FLRT1: variants seen among roughly 807,000 people sequenced by gnomAD.
The protein encoded by FLRT1 is fibronectin leucine rich transmembrane protein 1, also known as leucine-rich repeat transmembrane protein FLRT1.
Under a neutral mutation model 30.9 loss-of-function variants are expected in FLRT1, and 14 were observed. That is an observed-to-expected ratio of 0.45 (90% CI 0.30 to 0.71). The LOEUF is 0.71. FLRT1 is among the 30% of genes least tolerant of loss of function. FLRT1 has a pLI of 0.08. For synonymous variants in FLRT1, 368 were observed against 430.4 expected (o/e 0.85, Z 1.80); for missense variants, 737 against 949.2 (o/e 0.78, Z 2.94).
Position 64,096,810 on chromosome 11 carries a change from G to A in FLRT1, c.-1037-6384G>A, listed in dbSNP as rs531708933. Among the ~76,000 whole-genome samples the A allele has an allele frequency of 6.6e-5, 10 of 152,200 alleles. No individual in the cohort carries two copies. Among genetic ancestry groups the A allele is most frequent in the Non-Finnish European group, 1.3e-4 (9 of 68,032 alleles). ...GGGGAAGAGGGCAGGCCTGTGGGGG[G>A]CTGCCGTGTCCCCATACCCTCCAAG... On this transcript the variant is annotated intron_variant, in intron 1 of 2. Transcript: ENST00000682287. This position sits in a 1 kb window ranked among gnomAD's most constrained non-coding sequence, Gnocchi z 4.6.
At chr11:64,086,751 G>A (rs1467232652) in intron 1 of FLRT1, among the ~76,000 whole-genome samples, 1 of 152,180 alleles carries the variant, frequency 6.6e-6, no homozygotes, top group Non-Finnish European at 1.5e-5. Context: ...CAGAGATGTA[G>A]ACACACCCAG....
At chr11:64,091,854 A>G (rs1456501232) in intron 1 of FLRT1, among the ~76,000 whole-genome samples, 1 of 152,168 alleles carries the variant, frequency 6.6e-6, no homozygotes, top group African/African-American at 2.4e-5. Context: ...AGCCAAAGGC[A>G]GGAGCACCAG....
intron 2 of FLRT1, among the ~76,000 whole-genome samples, chr11:64,106,085 G>A (rs1944758188): frequency 6.6e-6 from 1 of 152,172 alleles, no homozygotes; most frequent in Non-Finnish European, 1.5e-5. Context: ...CAGTGGGGGT[G>A]AGGAGGGATG....
intron 1 of FLRT1, among the ~76,000 whole-genome samples, chr11:64,037,268 G>C (rs1943400142): frequency 6.6e-6 from 1 of 152,190 alleles, no homozygotes; most frequent in Non-Finnish European, 1.5e-5. Flanking sequence ...GAGGCTGTCT[G>C]TGGGGGGGAC....
chr11:64,069,728 C>G (rs1024406288), intron 1 of FLRT1, among the ~76,000 whole-genome samples: 2 of 152,168 alleles, frequency 1.3e-5, no homozygotes, highest in South Asian at 4.1e-4. Flanking sequence ...ACCCCCGGGC[C>G]CGGCCCCGGC....
rs1945027409 is a variant in FLRT1, at chr11:64,118,095, T to C, written c.1828T>C (p.Ser610Pro). 6.2e-7 allele frequency: 1 copy of C among 1,611,628 alleles called. No individual in the cohort carries two copies. Among genetic ancestry groups the C allele is most frequent in the Non-Finnish European group, 8.5e-7 (1 of 1,178,276 alleles). The change falls in exon 3 of 3, where the codon TCC (serine) becomes CCC (proline). Residue 610 changes from serine to proline, a missense_variant. Physicochemically the swap from Ser to Pro is moderately conservative, Grantham distance 74. Transcript: ENST00000682287. ...GGAGTCAGGGACCAAGAAGGATAACTCCATCCTGGAAATCCGCGGCCCTGG... is the reference window on the plus strand; with the variant it reads ...GGAGTCAGGGACCAAGAAGGATAACCCCATCCTGGAAATCCGCGGCCCTGG... ...YMESGTKKDN[S>P]ILEIRGPGLQ...
At chr11:64,101,672 G>A (rs1462585374) in intron 1 of FLRT1, among the ~76,000 whole-genome samples, 1 of 152,164 alleles carries the variant, frequency 6.6e-6, no homozygotes, top group African/African-American at 2.4e-5. Context: ...ATAGCAATAA[G>A]GGCTCGTGCT....
intron 1 of FLRT1, among the ~76,000 whole-genome samples, chr11:64,045,172 C>T (rs1335736413): frequency 6.6e-6 from 1 of 151,256 alleles, no homozygotes; most frequent in African/African-American, 2.4e-5. Flanking sequence ...CCTGTGACGT[C>T]AGCAGGTGGC....
Position 64,116,920 on chromosome 11 carries a change from T to C in FLRT1, c.653T>C (p.Phe218Ser). The change falls in exon 3 of 3, where the codon TTC becomes TCC. Residue 218 changes from phenylalanine to serine, a missense_variant. Phe to Ser is a radical substitution (Grantham distance 155). Coordinates refer to ENST00000682287, the MANE Select transcript of FLRT1 (RefSeq NM_013280.5). ...NRISTIPLHAFKGLNSLRRLV... is the reference protein window; with the variant it reads ...NRISTIPLHASKGLNSLRRLV... ...ATCTCCACCATCCCGCTGCATGCCT[T>C]CAAGGGCCTCAACAGCCTGCGGCGC... is the stretch of plus-strand genomic sequence containing the variant. The C allele has an allele frequency of 1.2e-6, 2 of 1,611,436 alleles. No individual in the cohort carries two copies. The highest frequency in any genetic ancestry group is 2.2e-5 in the South Asian group (2 of 91,084).
chr11:64,085,692 A>G (rs1944382170), intron 1 of FLRT1, among the ~76,000 whole-genome samples: 1 of 152,278 alleles, frequency 6.6e-6, no homozygotes, highest in Middle Eastern at 3.4e-3. Flanking sequence ...ACCCACAGAC[A>G]GGCCCAGGGG....
At position 64,090,971 on chromosome 11, in the gene FLRT1, C is replaced by T. The variant is rs1312241686; in HGVS notation, c.-1037-12223C>T. Among the ~76,000 whole-genome samples the T allele has an allele frequency of 1.3e-5, 2 of 151,644 alleles. No homozygotes were observed. The highest frequency in any genetic ancestry group is 4.9e-5 in the African/African-American group (2 of 41,222). On this transcript the variant is annotated intron_variant, in intron 1 of 2. Coordinates refer to ENST00000682287, the MANE Select transcript of FLRT1 (RefSeq NM_013280.5). The surrounding 1 kb of genome is among the most constrained non-coding windows in gnomAD (Gnocchi z 4.7). ...CAGAATCTGCAGCACTGACCTCTGACCTCTGGGTCAGTTGGTTACTGACTG... is the reference window on the plus strand; with the variant it reads ...CAGAATCTGCAGCACTGACCTCTGATCTCTGGGTCAGTTGGTTACTGACTG...
rs1478450505 is a variant in FLRT1, at chr11:64,118,648, G to A, written c.*356G>A. On this transcript the variant is annotated 3_prime_UTR_variant, in exon 3 of 3. Transcript: ENST00000682287. ...GGATACTACCTGTACAACATCTGTG[G>A]ACACCTCATGCTCTGTTCAAGGCCA... 6 of 212,234 alleles carry A rather than the reference G, an allele frequency of 2.8e-5. No individual in the cohort carries two copies. In the South Asian group the frequency reaches 4.0e-4, roughly 14 times the overall value. The allele number at this position is 212,234 out of a possible 1,614,324, so 13.1% of individuals were successfully genotyped here. A position where few individuals can be genotyped will look rare whatever the true frequency, so the allele number is the denominator to read the frequency against.
chr11:64,045,615 C>G (rs913978719), intron 1 of FLRT1, among the ~76,000 whole-genome samples: 11 of 152,164 alleles, frequency 7.2e-5, no homozygotes, highest in African/African-American at 2.7e-4. Context: ...GGGGTAGCCA[C>G]CTTGCTGCGT....
At chr11:64,049,838 G>T (rs935005148) in intron 1 of FLRT1, among the ~76,000 whole-genome samples, 4 of 152,154 alleles carry the variant, frequency 2.6e-5, no homozygotes, top group African/African-American at 9.7e-5. Context: ...TAGGGCTGGG[G>T]CCTGGCTGAG....
intron 1 of FLRT1, among the ~76,000 whole-genome samples, chr11:64,037,185 C>A (rs1396176491): frequency 6.6e-6 from 1 of 152,196 alleles, no homozygotes; most frequent in Non-Finnish European, 1.5e-5. Context: ...TCACCGCGGC[C>A]CCTACGCCCT....
intron 1 of FLRT1, among the ~76,000 whole-genome samples, chr11:64,042,288 C>A (rs1347549221): frequency 6.6e-6 from 1 of 152,142 alleles, no homozygotes; most frequent in East Asian, 1.9e-4. Flanking sequence ...TCACCCCCAC[C>A]TCTGGAAGCT....
chr11:64,099,238 G>T (rs1375413343), intron 1 of FLRT1, among the ~76,000 whole-genome samples: 9 of 152,244 alleles, frequency 5.9e-5, no homozygotes, highest in Admixed American at 5.9e-4. Flanking sequence ...CTCCCCGAAG[G>T]CTGGGCAAGG....
Position 64,096,440 on chromosome 11 carries a change from T to G in FLRT1, c.-1037-6754T>G. Among the ~76,000 whole-genome samples the G allele has an allele frequency of 6.6e-6, 1 of 150,896 alleles. No homozygotes were observed. Among genetic ancestry groups the G allele is most frequent in the African/African-American group, 2.4e-5 (1 of 41,052 alleles). The stretch of plus-strand genomic sequence containing the variant: ...CCTCTTTTTTTTTTTTGAGACTGAG[T>G]CTCGCTGTGCTGCCCAGGATGATGA... On this transcript the variant is annotated intron_variant, in intron 1 of 2. Transcript: ENST00000682287. This position sits in a 1 kb window ranked among gnomAD's most constrained non-coding sequence, Gnocchi z 4.6.
At chr11:64,065,865 G>A (rs560321759) in intron 1 of FLRT1, among the ~76,000 whole-genome samples, 2 of 151,528 alleles carry the variant, frequency 1.3e-5, no homozygotes, top group Admixed American at 6.6e-5. Flanking sequence ...GTGGGAGATC[G>A]CAACAACCAT....
Sources: allele counts gnomAD v4.1 joint callset (sites outside exome capture counted in the v4.1 genomes callset), GRCh38; gene constraint gnomAD v4.1.1; non-coding constraint Gnocchi (gnomAD v3.1); transcripts MANE v1.5; gene names NCBI Gene and HGNC (gene_info 2026-07-23, HGNC 2026-07-21).